Variants in USP40 observed in about 807,000 individuals in gnomAD.
USP40 encodes ubiquitin specific peptidase 40.
Under a neutral mutation model 166.2 loss-of-function variants are expected in USP40, and 143 were observed. The observed-to-expected ratio is 0.86, with a 90% confidence interval of 0.75 to 0.99. The LOEUF (loss-of-function observed/expected upper bound fraction) is 0.99, where lower values mean the gene tolerates loss of function less well. Among genes scored for constraint, USP40 ranks in the 50% least tolerant of loss-of-function variants. The probability of loss-of-function intolerance (pLI) is 0.00; values close to 1 mark genes in which losing one functional copy is unlikely to be tolerated. For missense variants in USP40, 1,444 were observed against 1,479.7 expected, an observed-to-expected ratio of 0.98 and a Z score of 0.40; for synonymous variants, 498 against 524.0, an observed-to-expected ratio of 0.95 and a Z score of 0.68.
rs575688956 is a variant in USP40 at position 233,486,703 on chromosome 2, G to T, written c.3198-726C>A. 6.6e-6 allele frequency among the ~76,000 whole-genome samples: 1 copy of T among 152,172 alleles called. No homozygotes were observed. The highest frequency in any genetic ancestry group is 1.5e-5 in the Non-Finnish European group (1 of 68,032). ...TGTTTTTACCATCAAAAGAGGTCAC[G>T]CAATGAGAAATGAAATGACTGGAAG... On this transcript the variant is annotated intron_variant, in intron 28 of 31. Coordinates refer to ENST00000678225, the MANE Select transcript of USP40 (RefSeq NM_001365479.2). The surrounding 1 kb of genome is among the most constrained non-coding windows in gnomAD (Gnocchi z 4.0).
At position 233,551,421 on chromosome 2, in the gene USP40, A is replaced by G. The variant is rs925729284; in HGVS notation, c.792T>C (p.Cys264=). Residue 264 remains cysteine (C), a synonymous_variant, in exon 7 of 32, where the codon TGT becomes TGC. Coordinates refer to ENST00000678225, the MANE Select transcript of USP40 (RefSeq NM_001365479.2). ...GATTAATCCGGAGAGGGAATGTATA[A>G]CAGCTAGTTTCCTTGTAGCGTTCGC... is the stretch of plus-strand genomic sequence containing the variant. ...VKCERYKETS[C]YTFPLRINLK... 1.2e-6 allele frequency: 2 copies of G among 1,612,860 alleles called. No homozygotes were observed. The highest frequency in any genetic ancestry group is 4.5e-5 in the East Asian group (2 of 44,852).
chr2:233,483,897 C>A (rs1394780722), intron 30 of USP40, among the ~76,000 whole-genome samples: 1 of 152,188 alleles, frequency 6.6e-6, no homozygotes, highest in African/African-American at 2.4e-5. Flanking sequence ...AACTAATTTT[C>A]CAGCACCATT....
intron 10 of USP40, among the ~76,000 whole-genome samples, chr2:233,539,709 T>G (rs1244088421): frequency 2.0e-5 from 3 of 149,582 alleles, no homozygotes; most frequent in African/African-American, 7.4e-5. Context: ...AAAAAAAAAC[T>G]GAGTTACCAA....
chr2:233,520,214 C>T lies in USP40; in HGVS notation c.2326-543G>A, dbSNP rs80219810. ...AATCTTGTAAATTTAGGAGTAAAAC[C>T]GATGTCAGACAATCTGTCCTCCCAC... On this transcript the variant is annotated intron_variant, in intron 17 of 31. Coordinates refer to ENST00000678225, the MANE Select transcript of USP40 (RefSeq NM_001365479.2). Among the ~76,000 whole-genome samples, 335 of 151,966 alleles carry T rather than the reference C, an allele frequency of 2.2e-3. 2 individuals carry two copies. The East Asian group carries it at 0.053, about 24-fold the overall frequency.
chr2:233,557,510 T>C (rs1015207111), intron 4 of USP40, among the ~76,000 whole-genome samples: 1 of 152,232 alleles, frequency 6.6e-6, no homozygotes, highest in Non-Finnish European at 1.5e-5. Flanking sequence ...AAAATCCTGA[T>C]GGAACTTGCT....
Position 233,563,831 on chromosome 2 carries a change from T to C in USP40, c.200-1028A>G, listed in dbSNP as rs116829799. On this transcript the variant is annotated intron_variant, in intron 2 of 31. Coordinates refer to ENST00000678225, the MANE Select transcript of USP40 (RefSeq NM_001365479.2). ...GTCAAATCATATGCTTGGCCAGCAATCCCCTCTGCTGGAGAGGAAGTTGGC... is the reference window on the plus strand; with the variant it reads ...GTCAAATCATATGCTTGGCCAGCAACCCCCTCTGCTGGAGAGGAAGTTGGC... Among the ~76,000 whole-genome samples, 241 of 152,206 alleles carry C rather than the reference T, an allele frequency of 1.6e-3. 1 individual carries two copies. Among genetic ancestry groups the C allele is most frequent in the African/African-American group, 5.5e-3 (229 of 41,528 alleles).
intron 4 of USP40, among the ~76,000 whole-genome samples, chr2:233,557,606 G>C (rs1455428206): frequency 6.6e-6 from 1 of 152,178 alleles, no homozygotes; most frequent in Non-Finnish European, 1.5e-5. Context: ...CCAAGACTGA[G>C]AAGTGGAGAA....
intron 1 of USP40, 153 bp from the exon 2 acceptor site, chr2:233,565,726 T>C (rs1378815464): frequency 1.5e-6 from 1 of 654,604 alleles, no homozygotes; most frequent in Non-Finnish European, 2.5e-6. Flanking sequence ...CAGCAAGATC[T>C]AGATTTTTTT....
chr2:233,535,540 C>T (rs960755075), intron 10 of USP40, among the ~76,000 whole-genome samples: 39 of 152,164 alleles, frequency 2.6e-4, no homozygotes, highest in African/African-American at 9.2e-4. Context: ...AGGACCATGA[C>T]CCAGGGCTAA....
At chr2:233,490,052 T>C (rs548960472) in intron 26 of USP40, among the ~76,000 whole-genome samples, 8 of 152,356 alleles carry the variant, frequency 5.3e-5, no homozygotes, top group African/African-American at 1.9e-4. Flanking sequence ...TTCATCCATT[T>C]TTTGACCTAA....
intron 30 of USP40, among the ~76,000 whole-genome samples, chr2:233,482,590 TTTTTG>T (rs1559210642): frequency 7.2e-6 from 1 of 139,386 alleles, no homozygotes; most frequent in Non-Finnish European, 1.5e-5. Flanking sequence ...GAGTTTTTTT[TTTTTG>T]TTTTTTTTTT....
In USP40 at chr2:233,554,227, T is replaced by C. The variant is rs1338833914; in HGVS notation, c.693+153A>G. ...GGTTGAAAGCCTTAAAAATTCATTA[T>C]TGTAAAAAATTAAAATACAGAAAAT... is the stretch of plus-strand genomic sequence containing the variant. On this transcript the variant is annotated intron_variant, in intron 6 of 31. Coordinates refer to ENST00000678225, the MANE Select transcript of USP40 (RefSeq NM_001365479.2). The C allele has an allele frequency of 6.0e-6, 5 of 839,716 alleles. No individual in the cohort carries two copies. In the East Asian group the frequency reaches 9.9e-5, roughly 17 times the overall value. 52.0% of individuals were successfully genotyped at this position (839,716 alleles called of 1,614,324 possible). A position where few individuals can be genotyped will look rare whatever the true frequency, so the allele number is the denominator to read the frequency against.
At chr2:233,523,568 T>G (rs1159427938) in intron 15 of USP40, 79 bp from the exon 16 acceptor site, 1 of 1,317,420 alleles carries the variant, frequency 7.6e-7, no homozygotes, top group Non-Finnish European at 1.0e-6. Context: ...AAGATTACTC[T>G]TAGAGAACAA....
chr2:233,489,018 CT>C (rs1320887255), intron 27 of USP40, among the ~76,000 whole-genome samples: 2 of 152,190 alleles, frequency 1.3e-5, no homozygotes, highest in Non-Finnish European at 2.9e-5. Flanking sequence ...CCCAAACCTG[CT>C]CTTTAAGTTC....
At chr2:233,483,821 A>C (rs993492235) in intron 30 of USP40, among the ~76,000 whole-genome samples, 2 of 152,214 alleles carry the variant, frequency 1.3e-5, no homozygotes, top group Non-Finnish European at 2.9e-5. Flanking sequence ...AATCATAGAT[A>C]CTCAACTTGT....
Position 233,493,399 on chromosome 2 carries a change from C to A in USP40, c.2917+26G>T. 6.2e-7 allele frequency: 1 copy of A among 1,613,914 alleles called. No individual in the cohort carries two copies. Among genetic ancestry groups the A allele is most frequent in the South Asian group, 1.1e-5 (1 of 91,070 alleles). ...TTTACTTCTCTTTATGATGCACTGG[C>A]TGCTGAAATCCCATTCTGTTCTCAC... On this transcript the variant is annotated intron_variant, in intron 25 of 31. Coordinates refer to ENST00000678225, the MANE Select transcript of USP40 (RefSeq NM_001365479.2). This position sits in a 1 kb window ranked among gnomAD's most constrained non-coding sequence, Gnocchi z 4.7.
rs147337728 is a variant in USP40, at chr2:233,476,683, G to T, written c.*709C>A. The T allele has an allele frequency of 6.5e-6, 1 of 154,376 alleles. No individual in the cohort carries two copies. The highest frequency in any genetic ancestry group is 1.4e-5 in the Non-Finnish European group (1 of 69,286). 9.6% of individuals were successfully genotyped at this position (154,376 alleles called of 1,614,324 possible). A position where few individuals can be genotyped will look rare whatever the true frequency, so the allele number is the denominator to read the frequency against. ...GATCCAAGGACCTTCTGATCACAGA[G>T]CACCCAGGATAAGCTGGACCCTTGG... On this transcript the variant is annotated 3_prime_UTR_variant, in exon 32 of 32. Coordinates refer to ENST00000678225, the MANE Select transcript of USP40 (RefSeq NM_001365479.2).
At chr2:233,504,364 A>AG (rs2125124687) in intron 21 of USP40, among the ~76,000 whole-genome samples, 1 of 152,186 alleles carries the variant, frequency 6.6e-6, no homozygotes, top group East Asian at 1.9e-4. Context: ...GTTAAAAAAA[A>AG]GAAGACCCAA....
intron 11 of USP40, among the ~76,000 whole-genome samples, chr2:233,530,567 T>C (rs10929195): frequency 0.79 from 120,446 of 152,140 alleles, 47,766 homozygotes; most frequent in East Asian, 0.87. Context: ...TCAAACTGAT[T>C]GTATTCCATA....
Sources: allele counts gnomAD v4.1 joint callset (sites outside exome capture counted in the v4.1 genomes callset), GRCh38; gene constraint gnomAD v4.1.1; non-coding constraint Gnocchi (gnomAD v3.1); transcripts MANE v1.5; gene names NCBI Gene and HGNC (gene_info 2026-07-23, HGNC 2026-07-21).